PTPRN2: variants seen among roughly 807,000 people sequenced by gnomAD.
The protein encoded by PTPRN2 is receptor-type tyrosine-protein phosphatase N2.
Under a neutral mutation model 118.8 loss-of-function variants are expected in PTPRN2, and 74 were observed. The ratio of observed to expected loss-of-function variants is 0.62; its 90% confidence interval spans 0.52 to 0.76. PTPRN2 has a LOEUF of 0.76. Ranked by LOEUF, PTPRN2 falls within the 30% of genes least tolerant of loss-of-function variation. PTPRN2 has a pLI of 0.00. For missense variants in PTPRN2, 1,481 were observed against 1,394.4 expected (o/e 1.06, Z -0.99); for synonymous variants, 641 against 608.0 (o/e 1.05, Z -0.80).
At chr7:157,744,859 G>A (rs1043609461) in intron 12 of PTPRN2, among the ~76,000 whole-genome samples, 13 of 152,162 alleles carry the variant, frequency 8.5e-5, no homozygotes, top group African/African-American at 2.4e-4. Flanking sequence ...CTTACCAAAC[G>A]ACTCGGGGCT....
intron 13 of PTPRN2, among the ~76,000 whole-genome samples, chr7:157,657,136 T>C (rs1389043879): frequency 3.4e-4 from 22 of 63,896 alleles, no homozygotes; most frequent in East Asian, 1.0e-3. Flanking sequence ...TACACACACA[T>C]ACGCCACACA....
At chr7:157,980,169 T>C (rs1563293303) in intron 11 of PTPRN2, among the ~76,000 whole-genome samples, 1 of 152,196 alleles carries the variant, frequency 6.6e-6, no homozygotes, top group African/African-American at 2.4e-5. Flanking sequence ...ATCACTGAGG[T>C]TTCTCTGCAA....
intron 3 of PTPRN2, among the ~76,000 whole-genome samples, chr7:158,267,227 C>T (rs952002783): frequency 9.2e-5 from 14 of 152,220 alleles, no homozygotes; most frequent in Non-Finnish European, 1.9e-4. Flanking sequence ...GCTTGTTAGC[C>T]GAGCAGCGAG....
chr7:157,696,849 A>G (rs1797810744), intron 12 of PTPRN2, among the ~76,000 whole-genome samples: 2 of 108,740 alleles, frequency 1.8e-5, no homozygotes, highest in East Asian at 4.0e-4. Context: ...CAGAGCCCTC[A>G]CCGTCTACAC....
At chr7:157,661,965 C>A (rs763948637) in intron 13 of PTPRN2, among the ~76,000 whole-genome samples, 1 of 152,186 alleles carries the variant, frequency 6.6e-6, no homozygotes, top group Non-Finnish European at 1.5e-5. Context: ...AACCAGGACC[C>A]AGAAAACAGG....
chr7:157,606,113 G>C (rs1035199553), intron 15 of PTPRN2, among the ~76,000 whole-genome samples: 3 of 152,236 alleles, frequency 2.0e-5, no homozygotes, highest in Non-Finnish European at 4.4e-5. Flanking sequence ...TGAGGTGGCA[G>C]GGGGCTGGTG....
chr7:158,450,117 A>T (rs1383418810), intron 2 of PTPRN2, among the ~76,000 whole-genome samples: 2 of 152,204 alleles, frequency 1.3e-5, no homozygotes, highest in Non-Finnish European at 2.9e-5. Flanking sequence ...TCCTCTTCTT[A>T]CGAGAGCACT....
At chr7:158,077,001 G>T (rs1812413397) in intron 11 of PTPRN2, among the ~76,000 whole-genome samples, 1 of 152,250 alleles carries the variant, frequency 6.6e-6, no homozygotes, top group African/African-American at 2.4e-5. Context: ...TTGTAAGTAT[G>T]TGTTATAAAG....
At chr7:158,306,288 A>C (rs1027752058) in intron 3 of PTPRN2, among the ~76,000 whole-genome samples, 1 of 152,230 alleles carries the variant, frequency 6.6e-6, no homozygotes, top group African/African-American at 2.4e-5. Flanking sequence ...GATCCTTGGA[A>C]TATGGATGGC....
chr7:157,961,287 G>A (rs1211362060), intron 11 of PTPRN2, among the ~76,000 whole-genome samples: 3 of 151,776 alleles, frequency 2.0e-5, no homozygotes, highest in African/African-American at 4.8e-5. Context: ...ATCCCAGCAC[G>A]TCGGGAGGCT....
intron 2 of PTPRN2, among the ~76,000 whole-genome samples, chr7:158,389,761 ATGGG>A (rs1811782382): frequency 6.6e-6 from 1 of 152,208 alleles, no homozygotes; most frequent in Non-Finnish European, 1.5e-5. Flanking sequence ...AGAATAGAAA[ATGGG>A]CTAAACGCAA....
chr7:158,085,765 C>A (rs1200622779), intron 10 of PTPRN2, among the ~76,000 whole-genome samples: 1 of 146,978 alleles, frequency 6.8e-6, no homozygotes, highest in African/African-American at 2.6e-5. Flanking sequence ...CCCATCCACA[C>A]CCATGACGCC....
chr7:158,395,677 AGG>A lies in PTPRN2; in HGVS notation c.164-78747_164-78746del, dbSNP rs1812381064. 2.0e-4 allele frequency among the ~76,000 whole-genome samples: 15 copies of A among 75,620 alleles called. 1 individual carries two copies. The highest frequency in any genetic ancestry group is 5.3e-4 in the South Asian group (1 of 1,874). 49.6% of individuals were successfully genotyped at this position (75,620 alleles called of 152,430 possible). A position where few individuals can be genotyped will look rare whatever the true frequency, so the allele number is the denominator to read the frequency against. On this transcript the variant is annotated intron_variant, in intron 2 of 22. Coordinates refer to ENST00000389418, the MANE Select transcript of PTPRN2 (RefSeq NM_002847.5). ...GGAGAGGGGCGAGGGGCGAGGCGCG[AGG>A]GGCGAGGCGCGAGGGGCGAGGGGCG...
At chr7:157,815,583 G>A (rs1563138572) in intron 12 of PTPRN2, among the ~76,000 whole-genome samples, 1 of 152,184 alleles carries the variant, frequency 6.6e-6, no homozygotes, top group Admixed American at 6.5e-5. Flanking sequence ...ACATTTAGAT[G>A]ACGTCATGGG....
At chr7:158,454,894 G>C (rs948593847) in intron 2 of PTPRN2, among the ~76,000 whole-genome samples, 1 of 152,134 alleles carries the variant, frequency 6.6e-6, no homozygotes, top group Non-Finnish European at 1.5e-5. Context: ...CTGTTGCATG[G>C]AACAGACATA....
chr7:157,589,820 C>A (rs1396835553), intron 17 of PTPRN2, among the ~76,000 whole-genome samples: 1 of 152,230 alleles, frequency 6.6e-6, no homozygotes, highest in Admixed American at 6.5e-5. Context: ...TTACGCACCA[C>A]CAAGTCCAGA....
rs1800904698 is a variant in PTPRN2, at chr7:157,590,208, C to G, written c.2496+5030G>C. 2.0e-5 allele frequency among the ~76,000 whole-genome samples: 3 copies of G among 152,128 alleles called. No individual in the cohort carries two copies. In the South Asian group the frequency reaches 6.2e-4, roughly 32 times the overall value. On this transcript the variant is annotated intron_variant, in intron 17 of 22. Transcript: ENST00000389418. This position sits in a 1 kb window ranked among gnomAD's most constrained non-coding sequence, Gnocchi z 4.0. Reference sequence around the variant, plus strand: ...ATTCTTCCTTTAAAATTGTTCCACACTTTAAAAAAAAAGTTTATATGACAA... The same window carrying G: ...ATTCTTCCTTTAAAATTGTTCCACAGTTTAAAAAAAAAGTTTATATGACAA...
intron 2 of PTPRN2, among the ~76,000 whole-genome samples, chr7:158,332,700 A>G (rs1248873542): frequency 2.7e-5 from 4 of 150,178 alleles, no homozygotes; most frequent in African/African-American, 5.0e-5. Flanking sequence ...ATAAGAGTTG[A>G]CACCTGCAGA....
chr7:158,376,434 A>C (rs6459872), intron 2 of PTPRN2, among the ~76,000 whole-genome samples: 1 of 141,042 alleles, frequency 7.1e-6, no homozygotes, highest in African/African-American at 2.7e-5. Flanking sequence ...GTCCTGAGGG[A>C]GGGGTTCAGG....
Sources: allele counts gnomAD v4.1 joint callset (sites outside exome capture counted in the v4.1 genomes callset), GRCh38; gene constraint gnomAD v4.1.1; non-coding constraint Gnocchi (gnomAD v3.1); transcripts MANE v1.5; gene names NCBI Gene and HGNC (gene_info 2026-07-23, HGNC 2026-07-21).